DNAH14: variants seen among roughly 807,000 people sequenced by gnomAD.
The protein encoded by DNAH14 is axonemal beta dynein heavy chain 14.
DNAH14 carries 478 observed loss-of-function variants against 520.9 expected under a neutral mutation model. That is an observed-to-expected ratio of 0.92 (90% CI 0.85 to 0.99). The LOEUF (loss-of-function observed/expected upper bound fraction) is 0.99. Ranked by LOEUF, DNAH14 falls within the 50% of genes least tolerant of loss-of-function variation. DNAH14 has a pLI of 0.00. For synonymous variants in DNAH14, 1,581 were observed against 1,757.2 expected, an observed-to-expected ratio of 0.90 and a Z score of 2.51; for missense variants, 4,831 against 5,234.5, an observed-to-expected ratio of 0.92 and a Z score of 2.38.
intron 17 of DNAH14, among the ~76,000 whole-genome samples, chr1:225,061,516 C>T (rs2070105613): frequency 6.6e-6 from 1 of 152,252 alleles, no homozygotes; most frequent in Non-Finnish European, 1.5e-5. Flanking sequence ...GCAGCACCCA[C>T]TGTCCTGCAC....
chr1:225,123,086 T>A (rs1250296434), intron 26 of DNAH14, among the ~76,000 whole-genome samples: 1 of 152,142 alleles, frequency 6.6e-6, no homozygotes, highest in African/African-American at 2.4e-5. Flanking sequence ...TAAATAAAAT[T>A]GTCTGGATAT....
chr1:225,238,536 C>T (rs558215080), intron 42 of DNAH14, among the ~76,000 whole-genome samples: 3 of 152,154 alleles, frequency 2.0e-5, no homozygotes, highest in Admixed American at 6.5e-5. Context: ...CCGGCCTGAA[C>T]GCTCCTATAG....
intron 17 of DNAH14, among the ~76,000 whole-genome samples, chr1:225,052,557 C>A (rs1163108470): frequency 6.6e-6 from 1 of 152,074 alleles, no homozygotes; most frequent in Non-Finnish European, 1.5e-5. Flanking sequence ...TTGTACTAGG[C>A]CCCTGGAATA....
At chr1:225,362,146 T>C (rs1222796153) in intron 75 of DNAH14, among the ~76,000 whole-genome samples, 3 of 152,164 alleles carry the variant, frequency 2.0e-5, no homozygotes, top group Non-Finnish European at 4.4e-5. Context: ...GAGCCAATAG[T>C]ATGGCAGGTT....
chr1:225,372,741 T>G (rs1176924829), intron 77 of DNAH14, among the ~76,000 whole-genome samples: 1 of 152,038 alleles, frequency 6.6e-6, no homozygotes, highest in Admixed American at 6.5e-5. Context: ...ATATGGTAAA[T>G]GGTGGCAAAA....
chr1:225,237,744 C>T (rs1332962297), intron 42 of DNAH14, among the ~76,000 whole-genome samples: 1 of 152,110 alleles, frequency 6.6e-6, no homozygotes, highest in East Asian at 1.9e-4. Flanking sequence ...TCAAGAACCC[C>T]AATCAGTCAT....
intron 55 of DNAH14, among the ~76,000 whole-genome samples, chr1:225,295,872 G>A (rs1248673975): frequency 6.6e-6 from 1 of 151,976 alleles, no homozygotes; most frequent in Non-Finnish European, 1.5e-5. Context: ...ATTGTATTGG[G>A]GTCCCTCTCT....
intron 43 of DNAH14, among the ~76,000 whole-genome samples, chr1:225,243,526 AAC>A (rs1228039185): frequency 6.6e-6 from 1 of 152,170 alleles, no homozygotes; most frequent in East Asian, 1.9e-4. Context: ...ATTATGACCT[AAC>A]ACAGATTTGA....
intron 66 of DNAH14, among the ~76,000 whole-genome samples, chr1:225,335,847 A>C: frequency 1.2e-5 from 1 of 85,706 alleles, no homozygotes; most frequent in Admixed American, 1.1e-4. Flanking sequence ...ATGTACATAC[A>C]CATATGTACA....
chr1:225,052,467 A>G (rs899129193), intron 17 of DNAH14, among the ~76,000 whole-genome samples: 1 of 152,228 alleles, frequency 6.6e-6, no homozygotes, highest in Non-Finnish European at 1.5e-5. Flanking sequence ...AAGGGTACGA[A>G]CTTATAATAA....
At chr1:225,371,568 C>G (rs902709738) in intron 77 of DNAH14, among the ~76,000 whole-genome samples, 2 of 152,050 alleles carry the variant, frequency 1.3e-5, no homozygotes, top group African/African-American at 4.8e-5. Context: ...CTTAGAATTT[C>G]TAGTAAATTC....
At chr1:225,336,010 C>A (rs1273424542) in intron 66 of DNAH14, among the ~76,000 whole-genome samples, 1 of 80,306 alleles carries the variant, frequency 1.2e-5, no homozygotes, top group Non-Finnish European at 2.5e-5. Flanking sequence ...TATATGTATA[C>A]GCATATATGC....
Position 225,232,321 on chromosome 1 carries a change from C to T in DNAH14, c.6518+1170C>T, listed in dbSNP as rs1054454883. On this transcript the variant is annotated intron_variant, in intron 42 of 85. Transcript: ENST00000682510. The surrounding 1 kb of genome is among the most constrained non-coding windows in gnomAD (Gnocchi z 4.2). ...CACACGTGTATCACAGGTTATTTAT[C>T]GATTGGTAAACATTTAGATTTTCAA... 1.3e-5 allele frequency among the ~76,000 whole-genome samples: 2 copies of T among 151,222 alleles called. No homozygotes were observed. Among genetic ancestry groups the T allele is most frequent in the African/African-American group, 2.4e-5 (1 of 41,094 alleles).
At chr1:225,251,691 A>G (rs1210646741) in intron 43 of DNAH14, among the ~76,000 whole-genome samples, 2 of 152,202 alleles carry the variant, frequency 1.3e-5, no homozygotes, top group African/African-American at 2.4e-5. Context: ...AAACAAAGAT[A>G]TATCCAGAAT....
Position 225,357,856 on chromosome 1 carries a change from G to A in DNAH14, c.11620-640G>A, listed in dbSNP as rs758868272. 4.3e-6 allele frequency: 3 copies of A among 701,724 alleles called. No individual in the cohort carries two copies. The Admixed American group carries it at 6.0e-5, about 14-fold the overall frequency. 43.5% of individuals were successfully genotyped at this position (701,724 alleles called of 1,614,324 possible). Reference sequence around the variant, plus strand: ...TCAGGACATATTTTATGGTCATTGTGTAGACAAATATCATGTAAGTGATTT... The same window carrying A: ...TCAGGACATATTTTATGGTCATTGTATAGACAAATATCATGTAAGTGATTT... On this transcript the variant is annotated intron_variant, in intron 73 of 85. Transcript: ENST00000682510.
At chr1:224,967,753 T>C in intron 6 of DNAH14, 170 bp downstream of exon 6, 1 of 1,524,100 alleles carries the variant, frequency 6.6e-7, no homozygotes, top group Non-Finnish European at 8.7e-7. Context: ...TAGTGAAGTT[T>C]TTCCTTTTGT....
intron 42 of DNAH14, among the ~76,000 whole-genome samples, chr1:225,237,618 G>T (rs777943031): frequency 1.3e-5 from 2 of 152,024 alleles, no homozygotes; most frequent in Non-Finnish European, 2.9e-5. Context: ...CATCTTACTG[G>T]GTTTCTCTGC....
chr1:225,360,536 C>A, intron 74 of DNAH14, 145 bp from the exon 75 acceptor site: 1 of 767,674 alleles, frequency 1.3e-6, no homozygotes, highest in Non-Finnish European at 2.1e-6. Context: ...AAAATTTAAA[C>A]TCTGGGCTCT....
chr1:225,268,812 C>T (rs2093212817), intron 49 of DNAH14, among the ~76,000 whole-genome samples: 2 of 152,124 alleles, frequency 1.3e-5, no homozygotes. Flanking sequence ...CAAACCACTG[C>T]TCAACGAAAT....
Sources: allele counts gnomAD v4.1 joint callset (sites outside exome capture counted in the v4.1 genomes callset), GRCh38; gene constraint gnomAD v4.1.1; non-coding constraint Gnocchi (gnomAD v3.1); transcripts MANE v1.5; gene names NCBI Gene and HGNC (gene_info 2026-07-23, HGNC 2026-07-21).